Variants in CENPW observed in about 807,000 individuals in gnomAD.
CENPW encodes centromere protein W.
CENPW carries 3 observed loss-of-function variants against 11.1 expected under a neutral mutation model. The ratio of observed to expected loss-of-function variants is 0.27; its 90% CI spans 0.12 to 0.70. The LOEUF (loss-of-function observed/expected upper bound fraction) is 0.70. Among genes scored for constraint, CENPW ranks in the 30% least tolerant of loss-of-function variants. CENPW has a pLI of 0.77. For missense variants in CENPW, 100 were observed against 105.6 expected (o/e 0.95, Z 0.23); for synonymous variants, 38 against 42.0 (o/e 0.91, Z 0.37).
At chr6:126,438,020 GC>G in the CENPW span, among the ~76,000 whole-genome samples, 1 of 151,222 alleles carries the variant, frequency 6.6e-6, no homozygotes, top group East Asian at 1.9e-4. Context: ...TGGGAGATTG[GC>G]TTTTTTTTTT....
chr6:126,411,062 T>G, the CENPW span, among the ~76,000 whole-genome samples: 3 of 152,150 alleles, frequency 2.0e-5, no homozygotes, highest in African/African-American at 7.2e-5. Flanking sequence ...TTTCATATTT[T>G]CTGTGTCTCT....
At chr6:126,376,386 G>T in the CENPW span, among the ~76,000 whole-genome samples, 1 of 152,146 alleles carries the variant, frequency 6.6e-6, no homozygotes, top group African/African-American at 2.4e-5. Context: ...AGGTCAACAT[G>T]TTCCTGACTT....
the CENPW span, among the ~76,000 whole-genome samples, chr6:126,384,162 A>G: frequency 2.2e-4 from 34 of 152,264 alleles, no homozygotes; most frequent in African/African-American, 7.9e-4. Context: ...TCAAGTTAAT[A>G]ATGAAATTAA....
chr6:126,361,291 A>G, the CENPW span, among the ~76,000 whole-genome samples: 1 of 151,744 alleles, frequency 6.6e-6, no homozygotes, highest in African/African-American at 2.4e-5. Context: ...GCTCTTTTCT[A>G]TTTCTTTCTT....
the CENPW span, among the ~76,000 whole-genome samples, chr6:126,376,228 G>T: frequency 6.6e-6 from 1 of 152,118 alleles, no homozygotes; most frequent in Admixed American, 6.6e-5. Flanking sequence ...GATATTTTGT[G>T]GTTCACATAA....
At chr6:126,344,022 A>C (rs554305134) in intron 1 of CENPW, among the ~76,000 whole-genome samples, 1 of 152,196 alleles carries the variant, frequency 6.6e-6, no homozygotes, top group African/African-American at 2.4e-5. Flanking sequence ...ATTGGGTCTG[A>C]TTTAAAAAAA....
chr6:126,385,029 T>G, the CENPW span, among the ~76,000 whole-genome samples: 6 of 151,976 alleles, frequency 3.9e-5, no homozygotes, highest in African/African-American at 7.2e-5. Context: ...GAATGATTAT[T>G]AGAGAAAAGT....
the CENPW span, among the ~76,000 whole-genome samples, chr6:126,381,126 C>T: frequency 3.3e-5 from 5 of 152,342 alleles, no homozygotes; most frequent in East Asian, 1.9e-4. Context: ...TTCTCCTCCA[C>T]GGCCAAATCC....
chr6:126,437,970 C>T, the CENPW span, among the ~76,000 whole-genome samples: 1 of 151,476 alleles, frequency 6.6e-6, no homozygotes, highest in Admixed American at 6.6e-5. Flanking sequence ...TATAAAAACA[C>T]TTTTATATGA....
chr6:126,351,306 T>A (rs1270414075), downstream of CENPW, among the ~76,000 whole-genome samples: 1 of 152,014 alleles, frequency 6.6e-6, no homozygotes, highest in Non-Finnish European at 1.5e-5. Flanking sequence ...AGCCTCCTTT[T>A]GGGAGGCTTT....
At chr6:126,358,628 T>A in the CENPW span, among the ~76,000 whole-genome samples, 13 of 152,334 alleles carry the variant, frequency 8.5e-5, no homozygotes, top group Admixed American at 7.8e-4. Flanking sequence ...GTTAAGGATT[T>A]TTGCATCTGT....
the CENPW span, among the ~76,000 whole-genome samples, chr6:126,429,620 C>A: frequency 6.6e-6 from 1 of 152,172 alleles, no homozygotes; most frequent in Non-Finnish European, 1.5e-5. Context: ...GCCTGCAGAA[C>A]CATGTGCCCA....
At chr6:126,386,350 A>G in the CENPW span, among the ~76,000 whole-genome samples, 4 of 152,058 alleles carry the variant, frequency 2.6e-5, no homozygotes, top group African/African-American at 4.8e-5. Flanking sequence ...TGTGAGGGAA[A>G]TGTTGTCAAT....
At chr6:126,477,935 T>A in the CENPW span, among the ~76,000 whole-genome samples, 2 of 152,012 alleles carry the variant, frequency 1.3e-5, no homozygotes, top group Non-Finnish European at 2.9e-5. Context: ...AACTGCTTCA[T>A]CTGCAGATGA....
chr6:126,431,129 T>C, the CENPW span, among the ~76,000 whole-genome samples: 2 of 152,144 alleles, frequency 1.3e-5, no homozygotes, highest in Admixed American at 6.5e-5. Flanking sequence ...ATCCTAAATA[T>C]CCTTAGGACA....
chr6:126,363,786 G>A, the CENPW span, among the ~76,000 whole-genome samples: 1 of 152,112 alleles, frequency 6.6e-6, no homozygotes, highest in Non-Finnish European at 1.5e-5. Context: ...TATTCAAAGG[G>A]AACTCAAATT....
chr6:126,458,062 ATTTC>A, the CENPW span, among the ~76,000 whole-genome samples: 1 of 151,148 alleles, frequency 6.6e-6, no homozygotes, highest in Admixed American at 6.6e-5. Context: ...ACTGTCTTCT[ATTTC>A]TTCTATTGAG....
the CENPW span, among the ~76,000 whole-genome samples, chr6:126,376,819 TA>T: frequency 6.6e-6 from 1 of 152,118 alleles, no homozygotes; most frequent in East Asian, 1.9e-4. Flanking sequence ...CATTGATTGA[TA>T]AAAGGAGAGA....
chr6:126,436,018 C>A, the CENPW span, among the ~76,000 whole-genome samples: 2 of 151,644 alleles, frequency 1.3e-5, no homozygotes, highest in Admixed American at 6.6e-5. Context: ...GAGATGATAC[C>A]TTTTGGGACC....
Sources: allele counts gnomAD v4.1 joint callset (sites outside exome capture counted in the v4.1 genomes callset), GRCh38; gene constraint gnomAD v4.1.1; transcripts MANE v1.5; gene names NCBI Gene and HGNC (gene_info 2026-07-23, HGNC 2026-07-21).